DSCAML1: variants seen among roughly 807,000 people sequenced by gnomAD.
The protein encoded by DSCAML1 is DS cell adhesion molecule like 1, also known as cell adhesion molecule DSCAML1.
DSCAML1 carries 38 observed loss-of-function variants against 200.5 expected under a neutral mutation model. The observed-to-expected ratio is 0.19, with a 90% CI of 0.15 to 0.25. The LOEUF (loss-of-function observed/expected upper bound fraction) is 0.25, where lower values mean the gene tolerates loss of function less well. Among genes scored for constraint, DSCAML1 ranks in the 10% least tolerant of loss-of-function variants. DSCAML1 has a pLI of 1.00. For missense variants in DSCAML1, 2,223 were observed against 2,858.8 expected (o/e 0.78, Z 5.07); for synonymous variants, 1,215 against 1,165.0 (o/e 1.04, Z -0.87).
At chr11:117,803,872 G>A (rs2055684395) in intron 1 of DSCAML1, among the ~76,000 whole-genome samples, 1 of 152,360 alleles carries the variant, frequency 6.6e-6, no homozygotes, top group East Asian at 1.9e-4. Flanking sequence ...TCTCTTCCTA[G>A]AAAGTCTGCC....
rs868766292 is a variant in DSCAML1, at chr11:117,569,691, A to G, written c.512-37169T>C. Among the ~76,000 whole-genome samples, 29 of 152,300 alleles carry G rather than the reference A, an allele frequency of 1.9e-4. 1 individual carries two copies. The highest frequency in any genetic ancestry group is 6.8e-3 in the Middle Eastern group (2 of 294). Reference sequence around the variant, plus strand: ...CTTTCCTCTTCCTGTAGGCTGAGTGACATTCCGTTTCCCAGACCCTCTGCA... The same window carrying G: ...CTTTCCTCTTCCTGTAGGCTGAGTGGCATTCCGTTTCCCAGACCCTCTGCA... On this transcript the variant is annotated intron_variant, in intron 3 of 32. Transcript: ENST00000651296.
In DSCAML1 at chr11:117,469,424, C is replaced by T. The variant is rs1462288541; in HGVS notation, c.3024+486G>A. ...TTAAGTGACAGATGCTTCAGTCACC[C>T]CCTATATTTTACAGGTCTTTGCCCT... On this transcript the variant is annotated intron_variant, in intron 16 of 32. Transcript: ENST00000651296. This position sits in a 1 kb window ranked among gnomAD's most constrained non-coding sequence, Gnocchi z 4.1. 1.3e-5 allele frequency among the ~76,000 whole-genome samples: 2 copies of T among 152,162 alleles called. No individual in the cohort carries two copies. The highest frequency in any genetic ancestry group is 2.4e-5 in the African/African-American group (1 of 41,418).
At chr11:117,472,977 A>T (rs1459097723) in intron 14 of DSCAML1, among the ~76,000 whole-genome samples, 1 of 152,220 alleles carries the variant, frequency 6.6e-6, no homozygotes, top group Non-Finnish European at 1.5e-5. Context: ...AAAAAAAGGC[A>T]AATCACAAGG....
At chr11:117,568,240 A>T (rs1029994896) in intron 3 of DSCAML1, among the ~76,000 whole-genome samples, 1 of 152,216 alleles carries the variant, frequency 6.6e-6, no homozygotes, top group Non-Finnish European at 1.5e-5. Flanking sequence ...AATAACAGCT[A>T]TCTATGACAA....
upstream of DSCAML1, among the ~76,000 whole-genome samples, chr11:117,799,310 G>A (rs1035708977): frequency 6.6e-6 from 1 of 152,228 alleles, no homozygotes; most frequent in African/African-American, 2.4e-5. Flanking sequence ...GATGAAAGGG[G>A]CTGCTGTCTG....
intron 1 of DSCAML1, among the ~76,000 whole-genome samples, chr11:117,790,414 T>C (rs1446393049): frequency 2.0e-5 from 3 of 152,258 alleles, no homozygotes; most frequent in Admixed American, 2.0e-4. Flanking sequence ...CCAGCCTGGC[T>C]GTGCCTCATC....
intron 3 of DSCAML1, among the ~76,000 whole-genome samples, chr11:117,629,195 C>T (rs1468124788): frequency 6.6e-6 from 1 of 152,134 alleles, no homozygotes; most frequent in Non-Finnish European, 1.5e-5. Flanking sequence ...TAAATCTGCT[C>T]AACAGAAAGG....
At chr11:117,509,114 T>C (rs185965063) in intron 8 of DSCAML1, among the ~76,000 whole-genome samples, 1 of 152,140 alleles carries the variant, frequency 6.6e-6, no homozygotes, top group African/African-American at 2.4e-5. Context: ...GAAGGCAAGA[T>C]ACTTCCCCAA....
chr11:117,704,363 G>C (rs1035530888), intron 3 of DSCAML1, among the ~76,000 whole-genome samples: 1 of 152,026 alleles, frequency 6.6e-6, no homozygotes, highest in South Asian at 2.1e-4. Context: ...AGTATCTGCT[G>C]CTCTCTTTGT....
At position 117,437,016 on chromosome 11, in the gene DSCAML1, C is replaced by A; in HGVS notation, c.4720+106G>T. On this transcript the variant is annotated intron_variant, in intron 26 of 32. Transcript: ENST00000651296. This position sits in a 1 kb window ranked among gnomAD's most constrained non-coding sequence, Gnocchi z 5.3. ...GCATTTCCCCCACCTGCATTCCTGC[C>A]TGTTTTTCTATTAGTCTGTCTCTTT... 1 of 1,439,308 alleles carries A rather than the reference C, an allele frequency of 6.9e-7. No individual in the cohort carries two copies. The highest frequency in any genetic ancestry group is 9.3e-7 in the Non-Finnish European group (1 of 1,075,720). 89.2% of individuals were successfully genotyped at this position (1,439,308 alleles called of 1,614,324 possible).
chr11:117,706,679 AGC>A (rs1377751288), intron 3 of DSCAML1, among the ~76,000 whole-genome samples: 1 of 152,210 alleles, frequency 6.6e-6, no homozygotes, highest in Non-Finnish European at 1.5e-5. Context: ...AAGGAGGCCT[AGC>A]GTCTAGCCCT....
At chr11:117,744,045 C>T (rs2054470704) in intron 3 of DSCAML1, among the ~76,000 whole-genome samples, 1 of 152,234 alleles carries the variant, frequency 6.6e-6, no homozygotes, top group African/African-American at 2.4e-5. Context: ...GAGAACAGCA[C>T]TGTGCCCACA....
At chr11:117,559,951 A>G (rs2050630442) in intron 3 of DSCAML1, among the ~76,000 whole-genome samples, 1 of 152,000 alleles carries the variant, frequency 6.6e-6, no homozygotes, top group Admixed American at 6.6e-5. Flanking sequence ...CCAAAGGGGG[A>G]AAGTCCTGCC....
chr11:117,608,926 G>C (rs2051628685), intron 3 of DSCAML1, among the ~76,000 whole-genome samples: 1 of 152,002 alleles, frequency 6.6e-6, no homozygotes, highest in Non-Finnish European at 1.5e-5. Context: ...CCAGCACTTG[G>C]GAGGCTGAGG....
intron 3 of DSCAML1, among the ~76,000 whole-genome samples, chr11:117,736,947 G>A (rs1324430607): frequency 1.3e-5 from 2 of 152,134 alleles, no homozygotes; most frequent in African/African-American, 2.4e-5. Context: ...TGAAGTGGGG[G>A]TAATGAGACC....
rs375031184 is a variant in DSCAML1, at chr11:117,780,250, A to AAGAG, written c.364+242_364+243insCTCT. On this transcript the variant is annotated intron_variant, in intron 2 of 32. Transcript: ENST00000651296. This position sits in a 1 kb window ranked among gnomAD's most constrained non-coding sequence, Gnocchi z 4.8. Reference sequence around the variant, plus strand: ...AAGAAAGGAAAGAAAGAAAGAAAGAAAGAAAGAAAGAAAGAAAGAAAGAAA... The same window carrying AAGAG: ...AAGAAAGGAAAGAAAGAAAGAAAGAAAGAGAGAAAGAAAGAAAGAAAGAAAGAAA... 1.2e-5 allele frequency among the ~76,000 whole-genome samples: 1 copy of AAGAG among 82,546 alleles called. No individual in the cohort carries two copies. The highest frequency in any genetic ancestry group is 2.6e-5 in the Non-Finnish European group (1 of 38,232). 54.2% of individuals were successfully genotyped at this position (82,546 alleles called of 152,430 possible).
chr11:117,431,815 G>C, intron 30 of DSCAML1, 87 bp from the exon 31 acceptor site: 1 of 1,338,682 alleles, frequency 7.5e-7, no homozygotes, highest in Non-Finnish European at 1.0e-6. Context: ...GGGCAGGGGG[G>C]AGCAAGGGAA....
intron 23 of DSCAML1, 79 bp from the exon 24 acceptor site, chr11:117,439,062 A>G: frequency 4.2e-6 from 6 of 1,418,940 alleles, no homozygotes; most frequent in Non-Finnish European, 5.7e-6. Flanking sequence ...CGTGACGGGA[A>G]GGTGCTGGCT....
chr11:117,749,256 C>T (rs772238858), intron 3 of DSCAML1, among the ~76,000 whole-genome samples: 3 of 152,204 alleles, frequency 2.0e-5, no homozygotes, highest in Non-Finnish European at 2.9e-5. Flanking sequence ...TGTGGCGGAG[C>T]TGTGCCTTCC....
Sources: allele counts gnomAD v4.1 joint callset (sites outside exome capture counted in the v4.1 genomes callset), GRCh38; gene constraint gnomAD v4.1.1; non-coding constraint Gnocchi (gnomAD v3.1); transcripts MANE v1.5; gene names NCBI Gene and HGNC (gene_info 2026-07-23, HGNC 2026-07-21).